The following RERE variants were observed in gnomAD, a reference collection of about 807,000 sequenced individuals.
The protein encoded by RERE is arginine-glutamic acid dipeptide repeats protein.
RERE carries 40 observed loss-of-function variants against 146.1 expected under a neutral mutation model. The ratio of observed to expected loss-of-function variants is 0.27; its 90% CI spans 0.21 to 0.36. The LOEUF (loss-of-function observed/expected upper bound fraction) is 0.36. Ranked by LOEUF, RERE falls within the 10% of genes least tolerant of loss-of-function variation. The probability of loss-of-function intolerance (pLI) is 1.00; values close to 1 mark genes in which losing one functional copy is unlikely to be tolerated. For synonymous variants in RERE, 1,003 were observed against 866.0 expected, an observed-to-expected ratio of 1.16 and a Z score of -2.78; for missense variants, 1,933 against 2,138.7, an observed-to-expected ratio of 0.90 and a Z score of 1.90.
intron 1 of RERE, among the ~76,000 whole-genome samples, chr1:8,710,749 T>G: frequency 6.6e-6 from 1 of 152,110 alleles, no homozygotes; most frequent in Non-Finnish European, 1.5e-5. Flanking sequence ...TCTCCTGACC[T>G]CTTGATCCGC....
At chr1:8,617,394 A>G (rs1646867145) in intron 3 of RERE, among the ~76,000 whole-genome samples, 1 of 151,428 alleles carries the variant, frequency 6.6e-6, no homozygotes, top group Non-Finnish European at 1.5e-5. Context: ...AAAGAATTAA[A>G]CAAAATTAGA....
intron 4 of RERE, among the ~76,000 whole-genome samples, chr1:8,589,283 T>TA (rs1431685713): frequency 6.6e-6 from 1 of 151,752 alleles, no homozygotes; most frequent in African/African-American, 2.4e-5. Context: ...CTACTAAAAA[T>TA]AAAAAATGTA....
chr1:8,783,662 A>T lies in RERE; in HGVS notation c.-145+33498T>A, dbSNP rs546570396. Among the ~76,000 whole-genome samples, 579 of 152,274 alleles carry T rather than the reference A, an allele frequency of 3.8e-3. 3 individuals carry two copies. The highest frequency in any genetic ancestry group is 5.4e-3 in the Non-Finnish European group (364 of 68,018). ...CTACTAAACAGAAATTAAATTTTTT[A>T]AAAAAAGAAGAGAAAATGCAAATCA... On this transcript the variant is annotated intron_variant, in intron 1 of 22. Transcript: ENST00000400908.
At chr1:8,609,592 C>A (rs1413729613) in intron 4 of RERE, among the ~76,000 whole-genome samples, 1 of 152,026 alleles carries the variant, frequency 6.6e-6, no homozygotes, top group East Asian at 1.9e-4. Flanking sequence ...GCAGGGAAGC[C>A]ACAGTAAATA....
intron 8 of RERE, among the ~76,000 whole-genome samples, chr1:8,497,908 T>G: frequency 6.6e-6 from 1 of 152,302 alleles, no homozygotes; most frequent in South Asian, 2.1e-4. Flanking sequence ...ATATAACAAG[T>G]TGACAAAGAA....
Position 8,497,051 on chromosome 1 carries a change from C to T in RERE, c.1004+354G>A, listed in dbSNP as rs1023943324. Among the ~76,000 whole-genome samples, 8 of 152,138 alleles carry T rather than the reference C, an allele frequency of 5.3e-5. 1 individual carries two copies. Among genetic ancestry groups the T allele is most frequent in the African/African-American group, 1.9e-4 (8 of 41,414 alleles). Reference sequence around the variant, plus strand: ...AATGCTCTCCCTCCCCTCACCCCCACCCCTCTGTAGTGGGGTTTTCAGATG... The same window carrying T: ...AATGCTCTCCCTCCCCTCACCCCCATCCCTCTGTAGTGGGGTTTTCAGATG... On this transcript the variant is annotated intron_variant, in intron 9 of 22. Coordinates refer to ENST00000400908, the MANE Select transcript of RERE (RefSeq NM_001042681.2).
intron 12 of RERE, among the ~76,000 whole-genome samples, chr1:8,401,345 G>A (rs1415090707): frequency 6.6e-6 from 1 of 151,838 alleles, no homozygotes; most frequent in Non-Finnish European, 1.5e-5. Context: ...CAGAGCCCAA[G>A]GTGGGAGAAT....
intron 2 of RERE, among the ~76,000 whole-genome samples, chr1:8,627,669 C>A (rs1646991061): frequency 6.6e-6 from 1 of 150,806 alleles, no homozygotes; most frequent in African/African-American, 2.4e-5. Flanking sequence ...TTTCTTTTTA[C>A]ACAAAGAAAA....
At chr1:8,756,260 A>G (rs1640637437) in intron 1 of RERE, among the ~76,000 whole-genome samples, 1 of 152,242 alleles carries the variant, frequency 6.6e-6, no homozygotes, top group African/African-American at 2.4e-5. Flanking sequence ...GATCATGGCT[A>G]ACCATTTGTT....
At chr1:8,784,879 C>A (rs1030183306) in intron 1 of RERE, among the ~76,000 whole-genome samples, 13 of 152,130 alleles carry the variant, frequency 8.5e-5, no homozygotes, top group African/African-American at 2.9e-4. Context: ...GCACCTTCAC[C>A]CACTTTTCAC....
At chr1:8,726,605 G>C (rs1007183197) in intron 1 of RERE, among the ~76,000 whole-genome samples, 2 of 152,194 alleles carry the variant, frequency 1.3e-5, no homozygotes, top group African/African-American at 4.8e-5. Context: ...ACACCGTGTG[G>C]TGGGGAAAGA....
chr1:8,477,299 G>A (rs535194880), intron 10 of RERE, among the ~76,000 whole-genome samples: 11 of 152,302 alleles, frequency 7.2e-5, no homozygotes, highest in Non-Finnish European at 1.6e-4. Flanking sequence ...CTCAGCTTGA[G>A]GACCCACAAT....
At chr1:8,751,044 TCCTGTGGC>T (rs1041434932) in intron 1 of RERE, 2 of 594,314 alleles carry the variant, frequency 3.4e-6, no homozygotes, top group Admixed American at 2.6e-5. Context: ...GCAAATAACT[TCCTGTGGC>T]CCTTCAAATT....
intron 4 of RERE, among the ~76,000 whole-genome samples, chr1:8,601,413 G>A (rs1241110823): frequency 6.6e-6 from 1 of 152,074 alleles, no homozygotes; most frequent in East Asian, 1.9e-4. Flanking sequence ...CATTATCACT[G>A]TTGCTGTGAA....
At chr1:8,514,218 T>C (rs891413686) in intron 7 of RERE, among the ~76,000 whole-genome samples, 8 of 152,240 alleles carry the variant, frequency 5.3e-5, no homozygotes, top group African/African-American at 1.7e-4. Flanking sequence ...ACTTAATTCA[T>C]CTTCAAGAAA....
At chr1:8,759,838 TAC>T (rs369646175) in intron 1 of RERE, among the ~76,000 whole-genome samples, 5,515 of 142,070 alleles carry the variant, frequency 0.039, 92 homozygotes, top group East Asian at 0.073. Flanking sequence ...ACTCTCTCTA[TAC>T]ACACACACAC....
At chr1:8,761,032 CAG>C (rs1640747240) in intron 1 of RERE, among the ~76,000 whole-genome samples, 1 of 152,128 alleles carries the variant, frequency 6.6e-6, no homozygotes, top group East Asian at 1.9e-4. Flanking sequence ...GATTACAGGA[CAG>C]AGAGGTGGCA....
At chr1:8,602,759 A>AT (rs1310739885) in intron 4 of RERE, among the ~76,000 whole-genome samples, 3 of 152,214 alleles carry the variant, frequency 2.0e-5, no homozygotes, top group African/African-American at 7.2e-5. Flanking sequence ...TCTTGACAGT[A>AT]TTAAGTGCTA....
intron 12 of RERE, among the ~76,000 whole-genome samples, chr1:8,374,359 G>GT (rs1177050923): frequency 6.7e-6 from 1 of 148,584 alleles, no homozygotes; most frequent in Non-Finnish European, 1.5e-5. Flanking sequence ...TAAAAAATCA[G>GT]TTAAAAAAAA....
Sources: allele counts gnomAD v4.1 joint callset (sites outside exome capture counted in the v4.1 genomes callset), GRCh38; gene constraint gnomAD v4.1.1; transcripts MANE v1.5; gene names NCBI Gene and HGNC (gene_info 2026-07-23, HGNC 2026-07-21).